TDRD1: variants seen among roughly 807,000 people sequenced by gnomAD.
TDRD1 encodes tudor domain containing 1.
A neutral mutation model predicts 140.6 loss-of-function variants in TDRD1; 37 were observed. The observed-to-expected ratio is 0.26, with a 90% CI of 0.20 to 0.35. The LOEUF (loss-of-function observed/expected upper bound fraction) is 0.35, where lower values mean the gene tolerates loss of function less well. Ranked by LOEUF, TDRD1 falls within the 10% of genes least tolerant of loss-of-function variation. The pLI, the probability that TDRD1 is intolerant of heterozygous loss-of-function variation, is 1.00. For missense variants in TDRD1, 1,243 were observed against 1,393.0 expected (o/e 0.89, Z 1.71); for synonymous variants, 506 against 475.7 (o/e 1.06, Z -0.83).
At chr10:114,184,462 A>C (rs2033358877) in intron 1 of TDRD1, among the ~76,000 whole-genome samples, 1 of 152,252 alleles carries the variant, frequency 6.6e-6, no homozygotes. Flanking sequence ...ATAAGTCTCC[A>C]GGCCTCAGGA....
chr10:114,203,333 T>G, intron 7 of TDRD1, 55 bp from the exon 8 acceptor site: 1 of 1,542,790 alleles, frequency 6.5e-7, no homozygotes, highest in Non-Finnish European at 8.7e-7. Context: ...TTTAAGAAAT[T>G]TACATTTCCT....
At chr10:114,204,521 C>T (rs2034975671) in intron 9 of TDRD1, among the ~76,000 whole-genome samples, 1 of 152,074 alleles carries the variant, frequency 6.6e-6, no homozygotes, top group South Asian at 2.1e-4. Context: ...ATTTCTCCAG[C>T]TTCAAGTACC....
chr10:114,184,167 T>A (rs1342049298), intron 1 of TDRD1, among the ~76,000 whole-genome samples: 2 of 143,492 alleles, frequency 1.4e-5, no homozygotes, highest in African/African-American at 2.8e-5. Flanking sequence ...TATTTCAATT[T>A]GAATTTTTTT....
upstream of TDRD1, among the ~76,000 whole-genome samples, chr10:114,177,834 CTTTT>C (rs34189756): frequency 1.5e-5 from 2 of 131,112 alleles, no homozygotes. Flanking sequence ...CTTTCTTTTT[CTTTT>C]TTTTTTTTTT....
intron 15 of TDRD1, 74 bp from the exon 16 acceptor site, chr10:114,213,903 G>A (rs2035645229): frequency 1.6e-5 from 22 of 1,379,128 alleles, no homozygotes; most frequent in Middle Eastern, 1.8e-4. Flanking sequence ...CTTCAAAAGC[G>A]GGTTCCTCAG....
At chr10:114,191,043 G>C in intron 3 of TDRD1, 24 bp downstream of exon 3, 1 of 1,605,532 alleles carries the variant, frequency 6.2e-7, no homozygotes, top group Non-Finnish European at 8.5e-7. Flanking sequence ...TTGTGTGTGT[G>C]CTTGTTTGGG....
chr10:114,185,915 A>G (rs2033483796), intron 1 of TDRD1, among the ~76,000 whole-genome samples: 1 of 152,152 alleles, frequency 6.6e-6, no homozygotes, highest in Non-Finnish European at 1.5e-5. Flanking sequence ...AGTTGTTTGC[A>G]TAGCACATAT....
At chr10:114,177,855 A>G (rs1423290521), upstream of TDRD1, among the ~76,000 whole-genome samples, 3 of 132,692 alleles carry the variant, frequency 2.3e-5, no homozygotes, top group Admixed American at 8.1e-5. Context: ...TTTTTTTGAG[A>G]CAGTCTTGCT....
At chr10:114,216,064 A>G (rs956868056) in intron 16 of TDRD1, among the ~76,000 whole-genome samples, 2 of 152,204 alleles carry the variant, frequency 1.3e-5, no homozygotes, top group Admixed American at 1.3e-4. Flanking sequence ...AATTTTAGGT[A>G]TACAGAAAGT....
exon 21 of TDRD1, chr10:114,222,605 G>A (rs753591542): frequency 1.2e-6 from 2 of 1,608,394 alleles, no homozygotes; most frequent in South Asian, 2.2e-5. Context: ...GAAAAGCTGT[G>A]CATGTTGACA....
At chr10:114,186,799 T>C (rs1238574689) in intron 1 of TDRD1, among the ~76,000 whole-genome samples, 1 of 152,218 alleles carries the variant, frequency 6.6e-6, no homozygotes, top group Non-Finnish European at 1.5e-5. Context: ...TTTGTTTTTA[T>C]TTCATTATCT....
At chr10:114,191,431 C>G (rs1036083792) in intron 3 of TDRD1, among the ~76,000 whole-genome samples, 2 of 152,102 alleles carry the variant, frequency 1.3e-5, no homozygotes, top group Non-Finnish European at 2.9e-5. Context: ...ATGCATATTT[C>G]GACAATTTTG....
At position 114,187,818 on chromosome 10, in the gene TDRD1, C is replaced by T. The variant is rs759442548; in HGVS notation, c.-6-8C>T. On this transcript the variant is annotated splice_polypyrimidine_tract_variant and splice_region_variant and intron_variant, in intron 1 of 25. Transcript: ENST00000251864. ...AAAGTTGTCTCTTAAATACATTTCTCTCCTTAGGCCTCGATGAGTGTTAAA... is the reference window on the plus strand; with the variant it reads ...AAAGTTGTCTCTTAAATACATTTCTTTCCTTAGGCCTCGATGAGTGTTAAA... 161 of 1,538,622 alleles carry T rather than the reference C, an allele frequency of 1.0e-4. No homozygotes were observed. The highest frequency in any genetic ancestry group is 1.3e-4 in the Non-Finnish European group (150 of 1,146,786).
At chr10:114,198,935 A>G (rs2034550893) in intron 3 of TDRD1, among the ~76,000 whole-genome samples, 1 of 152,176 alleles carries the variant, frequency 6.6e-6, no homozygotes, top group African/African-American at 2.4e-5. Context: ...AAACCCAGAC[A>G]TCTTATTGCC....
At chr10:114,183,887 G>C (rs1411112831) in intron 1 of TDRD1, among the ~76,000 whole-genome samples, 2 of 151,856 alleles carry the variant, frequency 1.3e-5, no homozygotes, top group African/African-American at 4.8e-5. Flanking sequence ...GAGATTACAC[G>C]TGTGAGCCAC....
chr10:114,193,289 CTTTTT>C (rs1170053036), intron 3 of TDRD1, among the ~76,000 whole-genome samples: 1 of 83,684 alleles, frequency 1.2e-5, no homozygotes, highest in East Asian at 3.1e-4. Flanking sequence ...TTGCTGAAGT[CTTTTT>C]TTTTTTTTTT....
At chr10:114,190,053 C>T (rs1264874320) in intron 2 of TDRD1, among the ~76,000 whole-genome samples, 1 of 152,070 alleles carries the variant, frequency 6.6e-6, no homozygotes, top group Non-Finnish European at 1.5e-5. Context: ...TTAAGTATTC[C>T]TCCTCGTTGC....
chr10:114,182,885 T>C (rs1234927206), intron 1 of TDRD1, among the ~76,000 whole-genome samples: 1 of 151,792 alleles, frequency 6.6e-6, no homozygotes, highest in Non-Finnish European at 1.5e-5. Flanking sequence ...GGGGTTTCAC[T>C]GTGTTAGCCA....
At chr10:114,182,391 A>G (rs964855790) in intron 1 of TDRD1, among the ~76,000 whole-genome samples, 2 of 152,198 alleles carry the variant, frequency 1.3e-5, no homozygotes, top group Non-Finnish European at 2.9e-5. Context: ...ACATTCTCCA[A>G]ATAGGGTGGA....
Sources: gnomAD v4.1 joint callset for allele counts (sites outside exome capture counted in the v4.1 genomes callset) on GRCh38, gnomAD v4.1.1 for gene constraint, MANE v1.5 for transcripts, NCBI Gene and HGNC (gene_info 2026-07-23, HGNC 2026-07-21) for gene names.